GSE1: variants seen among roughly 807,000 people sequenced by gnomAD.
GSE1 encodes genetic suppressor element 1.
In GSE1, 32 loss-of-function variants were observed where a neutral mutation model predicts 112.6. The ratio of observed to expected loss-of-function variants is 0.28; its 90% CI spans 0.21 to 0.38. GSE1 has a LOEUF of 0.38. Among genes scored for constraint, GSE1 ranks in the 10% least tolerant of loss-of-function variants. GSE1 has a pLI of 1.00. For missense variants in GSE1, 2,348 were observed against 1,699.2 expected, an observed-to-expected ratio of 1.38 and a Z score of -6.71; for synonymous variants, 1,115 against 735.6, an observed-to-expected ratio of 1.52 and a Z score of -8.35.
At chr16:85,331,359 G>GTATATATATGTATATATATGTATATATA (rs1192723319) in intron 1 of GSE1, among the ~76,000 whole-genome samples, 1 of 54,480 alleles carries the variant, frequency 1.8e-5, no homozygotes, top group South Asian at 7.7e-4. Flanking sequence ...GTGTGTGTGT[G>GTATATATATGTATATATATGTATATATA]TGTGTGTATA....
intron 1 of GSE1, among the ~76,000 whole-genome samples, chr16:85,216,241 A>G (rs2075305028): frequency 6.6e-6 from 1 of 152,218 alleles, no homozygotes; most frequent in Non-Finnish European, 1.5e-5. Context: ...CCATCTCTAC[A>G]AAATATCAAA....
chr16:85,314,590 G>A (rs896946479), intron 1 of GSE1, among the ~76,000 whole-genome samples: 12 of 152,104 alleles, frequency 7.9e-5, no homozygotes, highest in Admixed American at 3.9e-4. Context: ...GCACACACAC[G>A]AACACACCCA....
chr16:85,660,132 G>T (rs868597296), intron 8 of GSE1, among the ~76,000 whole-genome samples: 3 of 152,244 alleles, frequency 2.0e-5, no homozygotes, highest in African/African-American at 7.2e-5. Context: ...GGAGGAGAGG[G>T]TGCTGGTGGC....
exon 1 of GSE1, chr16:85,556,304 A>T (rs2045207686): frequency 1.0e-6 from 1 of 984,004 alleles, no homozygotes; most frequent in Non-Finnish European, 1.2e-6. Flanking sequence ...CTCTCTGGCC[A>T]CTATGGAATT....
At chr16:85,459,563 C>G (rs995212484) in intron 2 of GSE1, among the ~76,000 whole-genome samples, 8 of 152,196 alleles carry the variant, frequency 5.3e-5, no homozygotes, top group African/African-American at 1.9e-4. Flanking sequence ...TCCAGAGAGA[C>G]CAGGGCATCC....
chr16:85,318,814 C>A (rs959294981), intron 1 of GSE1, among the ~76,000 whole-genome samples: 1 of 152,228 alleles, frequency 6.6e-6, no homozygotes, highest in African/African-American at 2.4e-5. Flanking sequence ...GCAGGAGACA[C>A]AGGGTCGGGG....
chr16:85,383,481 A>G (rs2047607151), intron 2 of GSE1, among the ~76,000 whole-genome samples: 1 of 150,502 alleles, frequency 6.6e-6, no homozygotes, highest in Non-Finnish European at 1.5e-5. Flanking sequence ...ATTTGAACAT[A>G]CACGCAGAGC....
At chr16:85,202,373 C>G (rs1463381255) in intron 1 of GSE1, among the ~76,000 whole-genome samples, 1 of 152,250 alleles carries the variant, frequency 6.6e-6, no homozygotes, top group Non-Finnish European at 1.5e-5. Context: ...GAAGCTCTTC[C>G]CATTGCTGGG....
At chr16:85,383,638 G>A (rs913669887) in intron 2 of GSE1, among the ~76,000 whole-genome samples, 3 of 150,936 alleles carry the variant, frequency 2.0e-5, no homozygotes, top group Non-Finnish European at 2.9e-5. Context: ...CTCAGAAGCC[G>A]ACCACATGGA....
chr16:85,279,181 G>C (rs1163893435), intron 1 of GSE1: 1 of 152,316 alleles, frequency 6.6e-6, no homozygotes. Flanking sequence ...CGATAAAATA[G>C]TGGGGAGGGG....
chr16:85,171,421 C>T, exon 1 of GSE1: 2 of 985,578 alleles, frequency 2.0e-6, no homozygotes, highest in Non-Finnish European at 2.4e-6. Context: ...CCCGCCTGCC[C>T]CTCGTGCCAG....
intron 1 of GSE1, among the ~76,000 whole-genome samples, chr16:85,318,458 C>G (rs997178745): frequency 6.6e-6 from 1 of 152,032 alleles, no homozygotes; most frequent in African/African-American, 2.4e-5. Context: ...AAAGTGGGAA[C>G]CTCCCTATGT....
chr16:85,425,429 GC>G, intron 2 of GSE1, among the ~76,000 whole-genome samples: 1 of 152,102 alleles, frequency 6.6e-6, no homozygotes, highest in Non-Finnish European at 1.5e-5. Context: ...CAGGTGTGCT[GC>G]CGGGCTGGAG....
chr16:85,205,412 A>G (rs1292524951), intron 1 of GSE1, among the ~76,000 whole-genome samples: 3 of 152,168 alleles, frequency 2.0e-5, no homozygotes, highest in South Asian at 4.1e-4. Flanking sequence ...GATTACAGGC[A>G]TGAGCCACCG....
At chr16:85,390,763 G>A (rs957802616) in intron 2 of GSE1, among the ~76,000 whole-genome samples, 1 of 105,950 alleles carries the variant, frequency 9.4e-6, no homozygotes, top group Non-Finnish European at 1.8e-5. Flanking sequence ...CCCGAACCCC[G>A]TGCTGGCCTT....
chr16:85,560,583 A>G (rs1447332831), intron 1 of GSE1, among the ~76,000 whole-genome samples: 1 of 152,136 alleles, frequency 6.6e-6, no homozygotes, highest in African/African-American at 2.4e-5. Context: ...GTGCAGGGGC[A>G]TGTGTGAAAG....
intron 1 of GSE1, chr16:85,582,025 T>C (rs2046469179): frequency 6.6e-6 from 1 of 152,062 alleles, no homozygotes; most frequent in South Asian, 2.1e-4. Context: ...CTACCTGGGG[T>C]GGAGTGGGTG....
intron 2 of GSE1, among the ~76,000 whole-genome samples, chr16:85,385,998 T>A (rs1262098144): frequency 6.6e-6 from 1 of 152,102 alleles, no homozygotes; most frequent in Non-Finnish European, 1.5e-5. Context: ...TCCCCGAGGG[T>A]ACACCCAGGG....
intron 1 of GSE1, among the ~76,000 whole-genome samples, chr16:85,603,812 T>G (rs74572314): frequency 0.033 from 5,064 of 152,320 alleles, 306 homozygotes; most frequent in African/African-American, 0.11. Context: ...CAGCCCAGAT[T>G]GGATTGTTTT....
Sources: allele counts gnomAD v4.1 joint callset (sites outside exome capture counted in the v4.1 genomes callset), GRCh38; gene constraint gnomAD v4.1.1; transcripts MANE v1.5; gene names NCBI Gene and HGNC (gene_info 2026-07-23, HGNC 2026-07-21).